Variants in IL17RD observed in about 807,000 individuals in gnomAD.
IL17RD encodes interleukin-17 receptor D.
In IL17RD, 52 loss-of-function variants were observed where a neutral mutation model predicts 80.5. The ratio of observed to expected loss-of-function variants is 0.65; its 90% CI spans 0.52 to 0.81. The LOEUF (loss-of-function observed/expected upper bound fraction) is 0.81, where lower values mean the gene tolerates loss of function less well. IL17RD is among the 40% of genes least tolerant of loss of function. The probability of loss-of-function intolerance (pLI) is 0.00; values close to 1 mark genes in which losing one functional copy is unlikely to be tolerated. For missense variants in IL17RD, 1,024 were observed against 955.1 expected (o/e 1.07, Z -0.95); for synonymous variants, 416 against 391.8 (o/e 1.06, Z -0.73).
rs529543192 is a variant in IL17RD, at chr3:57,106,154, G to A, written c.551C>T (p.Ala184Val). 28 of 1,608,412 alleles carry A rather than the reference G, an allele frequency of 1.7e-5. No individual in the cohort carries two copies. In the South Asian group the frequency reaches 3.0e-4, roughly 17 times the overall value. Residue 184 changes from alanine (A) to valine (V), a missense_variant and splice_region_variant, in exon 6 of 13, where the codon GCC (alanine) becomes GTC (valine). By Grantham distance (64) the Ala-to-Val change is moderately conservative. Coordinates refer to ENST00000296318, the MANE Select transcript of IL17RD (RefSeq NM_017563.5). ...GTCCGGCTGTAACAACAGGTCACAG[G>A]CTATTAAGAGAATAAAGATACATGT... is the stretch of plus-strand genomic sequence containing the variant. Reference protein sequence around the residue: ...NYHPFFFRTRACDLLLQPDNL... With the variant: ...NYHPFFFRTRVCDLLLQPDNL...
At position 57,120,318 on chromosome 3, in the gene IL17RD, G is replaced by A; in HGVS notation, c.127-5C>T. The A allele has an allele frequency of 6.2e-7, 1 of 1,611,960 alleles. No individual in the cohort carries two copies. The highest frequency in any genetic ancestry group is 8.5e-7 in the Non-Finnish European group (1 of 1,178,072). Reference sequence around the variant, plus strand: ...TCTGCTGGCTGGCCCCACTCCCTGTGGGAAAACAAGAGAACATGATGCAGA... The same window carrying A: ...TCTGCTGGCTGGCCCCACTCCCTGTAGGAAAACAAGAGAACATGATGCAGA... On this transcript the variant is annotated splice_polypyrimidine_tract_variant and splice_region_variant and intron_variant, in intron 1 of 12. Coordinates refer to ENST00000296318, the MANE Select transcript of IL17RD (RefSeq NM_017563.5).
intron 1 of IL17RD, among the ~76,000 whole-genome samples, chr3:57,161,944 T>C (rs888771120): frequency 6.6e-6 from 1 of 152,216 alleles, no homozygotes; most frequent in African/African-American, 2.4e-5. Context: ...GAGAATTTTT[T>C]TTAAGTAGTT....
chr3:57,106,334 T>C (rs1706965407), intron 5 of IL17RD, among the ~76,000 whole-genome samples, 180 bp from the exon 6 acceptor site: 1 of 152,196 alleles, frequency 6.6e-6, no homozygotes, highest in South Asian at 2.1e-4. Context: ...ATTTAAATGG[T>C]ATAATATAAA....
intron 1 of IL17RD, among the ~76,000 whole-genome samples, chr3:57,155,305 G>A (rs1377571116): frequency 1.3e-5 from 2 of 152,216 alleles, no homozygotes; most frequent in Non-Finnish European, 2.9e-5. Flanking sequence ...GTGCTTAGCA[G>A]TAACTTTTCA....
At chr3:57,142,890 T>C (rs1707857351) in intron 1 of IL17RD, among the ~76,000 whole-genome samples, 1 of 152,114 alleles carries the variant, frequency 6.6e-6, no homozygotes, top group South Asian at 2.1e-4. Context: ...CTCAACCCAA[T>C]GATTTCATTC....
At chr3:57,111,185 C>T (rs1707090025) in intron 3 of IL17RD, among the ~76,000 whole-genome samples, 1 of 152,262 alleles carries the variant, frequency 6.6e-6, no homozygotes, top group South Asian at 2.1e-4. Flanking sequence ...AACCCTTCCC[C>T]TCCCAGGACA....
rs2107468536 is a variant in IL17RD, at chr3:57,101,235, G to T, written c.1108C>A (p.His370Asn). Residue 370 changes from histidine to asparagine, a missense_variant, in exon 11 of 13, where the codon CAC becomes AAC. Physicochemically the swap from His to Asn is moderately conservative, Grantham distance 68. Coordinates refer to ENST00000296318, the MANE Select transcript of IL17RD (RefSeq NM_017563.5). ...LCYSSKDGQN[H>N]MNVVQCFAYF... The stretch of plus-strand genomic sequence containing the variant: ...GCGAAACACTGGACGACATTCATGT[G>T]ATTCTGGCCATCTTTACTGGAATAG... 1 of 1,613,774 alleles carries T rather than the reference G, an allele frequency of 6.2e-7. No homozygotes were observed. The highest frequency in any genetic ancestry group is 2.2e-5 in the East Asian group (1 of 44,884).
At chr3:57,113,885 C>G (rs1415999099) in intron 3 of IL17RD, among the ~76,000 whole-genome samples, 1 of 151,496 alleles carries the variant, frequency 6.6e-6, no homozygotes, top group Non-Finnish European at 1.5e-5. Context: ...TTGGCTTATA[C>G]AGTTTAAATA....
chr3:57,135,678 G>A (rs1391477560), intron 1 of IL17RD, among the ~76,000 whole-genome samples: 1 of 151,992 alleles, frequency 6.6e-6, no homozygotes, highest in Non-Finnish European at 1.5e-5. Flanking sequence ...GTTCCTTCTG[G>A]GTGAAATATG....
Position 57,093,964 on chromosome 3 carries a change from T to A in IL17RD, c.*2429A>T, listed in dbSNP as rs770541597. 10 of 151,544 alleles carry A rather than the reference T, an allele frequency of 6.6e-5. No homozygotes were observed. The highest frequency in any genetic ancestry group is 1.3e-4 in the Non-Finnish European group (9 of 67,748). 9.4% of individuals were successfully genotyped at this position (151,544 alleles called of 1,614,324 possible). On this transcript the variant is annotated 3_prime_UTR_variant, in exon 13 of 13. Transcript: ENST00000296318. The stretch of plus-strand genomic sequence containing the variant: ...TCCCTGGTCTCTTTTCTAGAGGACG[T>A]TGTCTAACCTATCTACACAAGCCTT...
rs914791337 is a variant in IL17RD, at chr3:57,091,061, A to T, written c.*5332T>A. ...ACTGGGAGATTCAAATGTCTTTGCA[A>T]ATTAGCCCTCAAACAGCAATGGGAA... On this transcript the variant is annotated 3_prime_UTR_variant, in exon 13 of 13. Transcript: ENST00000296318. 6.6e-6 allele frequency: 1 copy of T among 152,658 alleles called. No homozygotes were observed. The highest frequency in any genetic ancestry group is 1.9e-4 in the East Asian group (1 of 5,202). The allele number at this position is 152,658 out of a possible 1,614,324, so 9.5% of individuals were successfully genotyped here.
At chr3:57,157,737 G>A (rs559350552) in intron 1 of IL17RD, among the ~76,000 whole-genome samples, 2 of 152,124 alleles carry the variant, frequency 1.3e-5, no homozygotes, top group African/African-American at 2.4e-5. Flanking sequence ...GAAATCACCC[G>A]GACAGAATAA....
intron 1 of IL17RD, among the ~76,000 whole-genome samples, chr3:57,147,876 T>C (rs1579312630): frequency 6.6e-6 from 1 of 152,336 alleles, no homozygotes; most frequent in African/African-American, 2.4e-5. Context: ...CAGTATGTAA[T>C]GGAGCTTAAT....
chr3:57,138,939 C>CAAAAAAAAA (rs1026336884), intron 1 of IL17RD, among the ~76,000 whole-genome samples: 2 of 40,468 alleles, frequency 4.9e-5, no homozygotes, highest in African/African-American at 9.2e-5. Context: ...AACTCCATCT[C>CAAAAAAAAA]AAAAAAAAAA....
At chr3:57,145,328 C>T (rs1707904307) in intron 1 of IL17RD, among the ~76,000 whole-genome samples, 1 of 152,106 alleles carries the variant, frequency 6.6e-6, no homozygotes, top group South Asian at 2.1e-4. Context: ...TTGGGAGATG[C>T]ACCGGGTCTT....
Position 57,094,651 on chromosome 3 carries a change from C to T in IL17RD, c.*1742G>A, listed in dbSNP as rs1488515482. The T allele has an allele frequency of 1.3e-5, 2 of 152,204 alleles. No individual in the cohort carries two copies. Among genetic ancestry groups the T allele is most frequent in the African/African-American group, 4.8e-5 (2 of 41,456 alleles). 9.4% of individuals were successfully genotyped at this position (152,204 alleles called of 1,614,324 possible). A position where few individuals can be genotyped will look rare whatever the true frequency, so the allele number is the denominator to read the frequency against. ...TCTCATCATGTTCCAAGTGAATTTTCGTATGTTAGCAAGTTTGGACTAACC... is the reference window on the plus strand; with the variant it reads ...TCTCATCATGTTCCAAGTGAATTTTTGTATGTTAGCAAGTTTGGACTAACC... On this transcript the variant is annotated 3_prime_UTR_variant, in exon 13 of 13. Coordinates refer to ENST00000296318, the MANE Select transcript of IL17RD (RefSeq NM_017563.5).
intron 1 of IL17RD, among the ~76,000 whole-genome samples, chr3:57,122,818 C>T (rs1184793299): frequency 6.8e-6 from 1 of 147,088 alleles, no homozygotes; most frequent in African/African-American, 2.5e-5. Flanking sequence ...CAAATGAAGC[C>T]GGGTACAGGA....
intron 1 of IL17RD, among the ~76,000 whole-genome samples, chr3:57,160,134 T>C (rs1468719118): frequency 6.6e-6 from 1 of 152,022 alleles, no homozygotes; most frequent in Non-Finnish European, 1.5e-5. Flanking sequence ...ATCATGCCAA[T>C]GCACTCCAGC....
intron 3 of IL17RD, among the ~76,000 whole-genome samples, chr3:57,113,982 G>A (rs1707156591): frequency 6.6e-6 from 1 of 151,802 alleles, no homozygotes; most frequent in Non-Finnish European, 1.5e-5. Context: ...TCAGGAGTTT[G>A]AGACCAGCCT....
Sources: allele counts gnomAD v4.1 joint callset (sites outside exome capture counted in the v4.1 genomes callset), GRCh38; gene constraint gnomAD v4.1.1; transcripts MANE v1.5; gene names NCBI Gene and HGNC (gene_info 2026-07-23, HGNC 2026-07-21).